Variants in IFT74 observed in about 807,000 individuals in gnomAD.
IFT74 encodes intraflagellar transport protein 74 homolog.
In IFT74, 92 loss-of-function variants were observed where a neutral mutation model predicts 96.7. That is an observed-to-expected ratio of 0.95 (90% CI 0.80 to 1.13). The LOEUF (loss-of-function observed/expected upper bound fraction) is 1.13. IFT74 is among the 50% of genes most tolerant of loss of function. The probability of loss-of-function intolerance (pLI) is 0.00; values close to 1 mark genes in which losing one functional copy is unlikely to be tolerated. For missense variants in IFT74, 811 were observed against 698.2 expected (o/e 1.16, Z -1.82); for synonymous variants, 223 against 213.2 (o/e 1.05, Z -0.40).
At chr9:27,059,614 G>A (rs935323910) in intron 18 of IFT74, among the ~76,000 whole-genome samples, 1 of 152,124 alleles carries the variant, frequency 6.6e-6, no homozygotes, top group Non-Finnish European at 1.5e-5. Flanking sequence ...TAACTTCAAG[G>A]TCCTGTCTGG....
At chr9:27,055,507 A>G in intron 16 of IFT74, 102 bp from the exon 17 acceptor site, 1 of 768,398 alleles carries the variant, frequency 1.3e-6, no homozygotes, top group East Asian at 3.2e-5. Flanking sequence ...TTTCTTTTAC[A>G]GATATTCTTA....
chr9:27,047,494 TC>T, intron 15 of IFT74, 123 bp downstream of exon 15: 1 of 568,692 alleles, frequency 1.8e-6, no homozygotes, highest in South Asian at 2.4e-5. Context: ...TCCTTTCAAT[TC>T]CCTTACTTGT....
At chr9:26,995,447 T>C in intron 8 of IFT74, 1 of 827,700 alleles carries the variant, frequency 1.2e-6, no homozygotes, top group African/African-American at 1.7e-5. Context: ...TTTTGTTATG[T>C]CACATAGCAA....
At chr9:27,054,217 G>T in intron 16 of IFT74, among the ~76,000 whole-genome samples, 1 of 152,136 alleles carries the variant, frequency 6.6e-6, no homozygotes, top group East Asian at 1.9e-4. Context: ...TGCTGAACTT[G>T]TTACTGGCTC....
intron 7 of IFT74, 32 bp downstream of exon 7, chr9:26,988,760 T>C (rs747390379): frequency 1.4e-6 from 2 of 1,474,684 alleles, no homozygotes; most frequent in Non-Finnish European, 1.8e-6. Context: ...AATTGATCTA[T>C]GTAAGTCATA....
At position 26,962,155 on chromosome 9, in the gene IFT74, T is replaced by C. The variant is rs898169105; in HGVS notation, c.120+68T>C. On this transcript the variant is annotated intron_variant, in intron 2 of 19. Coordinates refer to ENST00000380062, the MANE Select transcript of IFT74 (RefSeq NM_025103.4). The stretch of plus-strand genomic sequence containing the variant: ...GGAGGACCACTTGAGTCCAGGAGAC[T>C]GGGGCTTCAGTGAACTCTGATCATG... 4.6e-6 allele frequency: 7 copies of C among 1,522,288 alleles called. No individual in the cohort carries two copies. In the African/African-American group the frequency reaches 6.9e-5, roughly 15 times the overall value. The allele number at this position is 1,522,288 out of a possible 1,614,324, so 94.3% of individuals were successfully genotyped here. A position where few individuals can be genotyped will look rare whatever the true frequency, so the allele number is the denominator to read the frequency against.
rs768896207 is a variant in IFT74 at position 27,011,894 on chromosome 9, T to C, written c.727-12T>C. On this transcript the variant is annotated splice_polypyrimidine_tract_variant and intron_variant, in intron 9 of 19. Transcript: ENST00000380062. ...AATTTGGATTTATGTTTGCTTTTTTTTTTCCACTTAGGAATTAGATACACT... is the reference window on the plus strand; with the variant it reads ...AATTTGGATTTATGTTTGCTTTTTTCTTTCCACTTAGGAATTAGATACACT... 7.2e-6 allele frequency: 11 copies of C among 1,529,948 alleles called. No homozygotes were observed. The highest frequency in any genetic ancestry group is 4.7e-5 in the East Asian group (2 of 42,362). 94.8% of individuals were successfully genotyped at this position (1,529,948 alleles called of 1,614,324 possible). A position where few individuals can be genotyped will look rare whatever the true frequency, so the allele number is the denominator to read the frequency against.
At chr9:27,011,766 A>G (rs957226503) in intron 9 of IFT74, 140 bp from the exon 10 acceptor site, 2 of 428,474 alleles carry the variant, frequency 4.7e-6, no homozygotes, top group African/African-American at 2.1e-5. Flanking sequence ...GCCAGTGAAG[A>G]TATTTAGAAA....
chr9:27,059,295 A>G (rs1418314381), intron 18 of IFT74, among the ~76,000 whole-genome samples: 1 of 152,204 alleles, frequency 6.6e-6, no homozygotes, highest in East Asian at 1.9e-4. Flanking sequence ...TGGCATCTCT[A>G]AAGAATTTTA....
chr9:26,960,392 T>G (rs909636766), intron 1 of IFT74, among the ~76,000 whole-genome samples: 6 of 152,238 alleles, frequency 3.9e-5, no homozygotes, highest in African/African-American at 1.2e-4. Context: ...TTTTATATTG[T>G]AGCCCAGTAA....
At chr9:26,989,527 A>G (rs1026385111) in intron 7 of IFT74, among the ~76,000 whole-genome samples, 4 of 152,212 alleles carry the variant, frequency 2.6e-5, no homozygotes, top group South Asian at 2.1e-4. Context: ...AGACTGTTCT[A>G]TGAAGACATA....
intron 2 of IFT74, among the ~76,000 whole-genome samples, chr9:26,975,151 G>A (rs7034899): frequency 2.0e-5 from 3 of 151,988 alleles, no homozygotes; most frequent in African/African-American, 7.3e-5. Context: ...GCTGCCTGAG[G>A]GGGAGGGTCA....
chr9:26,997,589 C>T lies in IFT74; in HGVS notation c.587+7394C>T, dbSNP rs1828232009. 11 of 877,732 alleles carry T rather than the reference C, an allele frequency of 1.3e-5. 1 individual carries two copies. In the South Asian group the frequency reaches 2.1e-4, roughly 16 times the overall value. 54.4% of individuals were successfully genotyped at this position (877,732 alleles called of 1,614,324 possible). ...CCTCAGGTGATCCCCCTGCCTTGGC[C>T]TCCCATAGTGATGGGATTACAGGCA... On this transcript the variant is annotated intron_variant, in intron 8 of 19. Transcript: ENST00000380062.
At chr9:27,013,237 A>G (rs978034102) in intron 10 of IFT74, among the ~76,000 whole-genome samples, 3 of 152,034 alleles carry the variant, frequency 2.0e-5, no homozygotes, top group Non-Finnish European at 2.9e-5. Flanking sequence ...TCACCCTAAC[A>G]TTGTATCTAC....
At chr9:26,998,876 C>G (rs1587320086) in intron 8 of IFT74, among the ~76,000 whole-genome samples, 1 of 152,000 alleles carries the variant, frequency 6.6e-6, no homozygotes, top group East Asian at 1.9e-4. Flanking sequence ...CACCTGTAAT[C>G]CCAGCTACTT....
chr9:27,060,431 T>A (rs1820361707), intron 18 of IFT74, among the ~76,000 whole-genome samples, 160 bp from the exon 19 acceptor site: 1 of 151,700 alleles, frequency 6.6e-6, no homozygotes, highest in South Asian at 2.1e-4. Context: ...ATATATTTAC[T>A]ATTATTTAAT....
At chr9:26,952,891 A>T (rs1202212914), upstream of IFT74, among the ~76,000 whole-genome samples, 2 of 152,236 alleles carry the variant, frequency 1.3e-5, no homozygotes, top group African/African-American at 4.8e-5. Context: ...AACAGGAGAA[A>T]AATATCAATT....
intron 8 of IFT74, among the ~76,000 whole-genome samples, chr9:27,005,862 T>C (rs7020892): frequency 0.43 from 65,885 of 151,990 alleles, 15,872 homozygotes; most frequent in East Asian, 0.75. Flanking sequence ...TTTTTTGAGA[T>C]GAAGTCTCGC....
At position 27,025,193 on chromosome 9, in the gene IFT74, C is replaced by T. The variant is rs565053029; in HGVS notation, c.975-3832C>T. Among the ~76,000 whole-genome samples, 5 of 151,878 alleles carry T rather than the reference C, an allele frequency of 3.3e-5. No individual in the cohort carries two copies. In the East Asian group the frequency reaches 7.8e-4, roughly 24 times the overall value. On this transcript the variant is annotated intron_variant, in intron 12 of 19. Coordinates refer to ENST00000380062, the MANE Select transcript of IFT74 (RefSeq NM_025103.4). ...AGCACGGTGGCTCACACCTGTAATC[C>T]CAGCACTTTGGGAGGCCGAGGTGGG...
Sources: gnomAD v4.1 joint callset for allele counts (sites outside exome capture counted in the v4.1 genomes callset) on GRCh38, gnomAD v4.1.1 for gene constraint, MANE v1.5 for transcripts, NCBI Gene and HGNC (gene_info 2026-07-23, HGNC 2026-07-21) for gene names.